MARCHF1: variants seen among roughly 807,000 people sequenced by gnomAD.
MARCHF1 encodes the protein E3 ubiquitin-protein ligase MARCHF1.
MARCHF1 carries 40 observed loss-of-function variants against 54.2 expected under a neutral mutation model. The observed-to-expected ratio is 0.74, with a 90% confidence interval of 0.57 to 0.96. MARCHF1 has a LOEUF of 0.96. Ranked by LOEUF, MARCHF1 falls within the 40% of genes least tolerant of loss-of-function variation. The pLI, the probability that MARCHF1 is intolerant of heterozygous loss-of-function variation, is 0.00. For synonymous variants in MARCHF1, 236 were observed against 236.3 expected, an observed-to-expected ratio of 1.00 and a Z score of 0.01; for missense variants, 586 against 656.5, an observed-to-expected ratio of 0.89 and a Z score of 1.17.
At chr4:164,214,953 C>G (rs987828383) in intron 1 of MARCHF1, among the ~76,000 whole-genome samples, 2 of 152,158 alleles carry the variant, frequency 1.3e-5, no homozygotes, top group African/African-American at 4.8e-5. Flanking sequence ...CTCAGATGGG[C>G]AGGCTGTGGG....
At chr4:164,227,392 G>A (rs1314073369) in intron 1 of MARCHF1, among the ~76,000 whole-genome samples, 2 of 152,038 alleles carry the variant, frequency 1.3e-5, no homozygotes, top group African/African-American at 4.8e-5. Context: ...GGGATCATAG[G>A]GATCACAAAT....
chr4:164,277,258 AG>A (rs1161339885), intron 1 of MARCHF1, among the ~76,000 whole-genome samples: 4 of 152,178 alleles, frequency 2.6e-5, no homozygotes, highest in Non-Finnish European at 5.9e-5. Context: ...CTGTATCACC[AG>A]GGGCTACAGC....
intron 1 of MARCHF1, among the ~76,000 whole-genome samples, chr4:164,113,029 T>C (rs957659994): frequency 6.6e-6 from 1 of 151,842 alleles, no homozygotes; most frequent in African/African-American, 2.4e-5. Flanking sequence ...ATGATATCTT[T>C]CCTTGGCTCA....
chr4:163,711,918 T>C (rs1745118865), intron 4 of MARCHF1, among the ~76,000 whole-genome samples: 1 of 152,224 alleles, frequency 6.6e-6, no homozygotes. Flanking sequence ...TGTGTAGTCT[T>C]ATCATTATTA....
At chr4:164,189,614 TG>T (rs1731069761) in intron 1 of MARCHF1, 1 of 913,856 alleles carries the variant, frequency 1.1e-6, no homozygotes, top group East Asian at 2.4e-5. Flanking sequence ...ACAGGTGACC[TG>T]GTAGTGCTTG....
intron 4 of MARCHF1, among the ~76,000 whole-genome samples, chr4:163,770,253 A>G (rs201444795): frequency 6.6e-6 from 1 of 152,136 alleles, no homozygotes; most frequent in East Asian, 1.9e-4. Flanking sequence ...CTGTGCCCCA[A>G]CTTCCACATT....
intron 5 of MARCHF1, among the ~76,000 whole-genome samples, chr4:163,665,658 C>A (rs1469231820): frequency 6.6e-6 from 1 of 152,046 alleles, no homozygotes; most frequent in Non-Finnish European, 1.5e-5. Context: ...ATCGTCTTCC[C>A]TTTTGTTGTG....
intron 3 of MARCHF1, among the ~76,000 whole-genome samples, chr4:163,862,856 A>G (rs539611658): frequency 1.3e-5 from 2 of 152,198 alleles, no homozygotes; most frequent in Non-Finnish European, 2.9e-5. Flanking sequence ...ATTGTGGTAC[A>G]TTCATACATC....
At chr4:164,322,279 A>C (rs1230547419) in intron 1 of MARCHF1, among the ~76,000 whole-genome samples, 1 of 152,050 alleles carries the variant, frequency 6.6e-6, no homozygotes, top group Non-Finnish European at 1.5e-5. Context: ...ACAAGCAAAA[A>C]ACTCAGCTAC....
chr4:163,697,853 C>T (rs1167420134), intron 5 of MARCHF1, among the ~76,000 whole-genome samples: 1 of 152,144 alleles, frequency 6.6e-6, no homozygotes, highest in Admixed American at 6.5e-5. Context: ...CTAACATTTT[C>T]CTTAATCCTG....
At chr4:163,899,458 C>G (rs1191888911) in intron 3 of MARCHF1, among the ~76,000 whole-genome samples, 1 of 152,116 alleles carries the variant, frequency 6.6e-6, no homozygotes, top group East Asian at 1.9e-4. Context: ...CCTCCTACTT[C>G]TTTGTGTCCT....
chr4:164,138,191 AT>A (rs913557866), intron 1 of MARCHF1, among the ~76,000 whole-genome samples: 2 of 147,364 alleles, frequency 1.4e-5, no homozygotes, highest in Non-Finnish European at 1.5e-5. Flanking sequence ...CATCTGGTTT[AT>A]TTTTTACTGA....
intron 1 of MARCHF1, among the ~76,000 whole-genome samples, chr4:164,338,959 C>T (rs2110834807): frequency 6.6e-6 from 1 of 151,642 alleles, no homozygotes; most frequent in South Asian, 2.1e-4. Flanking sequence ...GCAACAAGAG[C>T]AAAACTCCAT....
chr4:163,773,207 G>C (rs1398557713), intron 4 of MARCHF1, among the ~76,000 whole-genome samples: 1 of 152,124 alleles, frequency 6.6e-6, no homozygotes, highest in Non-Finnish European at 1.5e-5. Flanking sequence ...TCACTGACTA[G>C]AAGTTACCTG....
At chr4:163,948,803 T>C (rs1303276380) in intron 3 of MARCHF1, among the ~76,000 whole-genome samples, 1 of 152,220 alleles carries the variant, frequency 6.6e-6, no homozygotes, top group Non-Finnish European at 1.5e-5. Flanking sequence ...GCAACAACTT[T>C]GAAATATCAT....
At position 163,626,423 on chromosome 4, in the gene MARCHF1, T is replaced by C. The variant is rs1223964453; in HGVS notation, c.163-13030A>G. On this transcript the variant is annotated intron_variant, in intron 5 of 9. Coordinates refer to ENST00000514618, the MANE Select transcript of MARCHF1 (RefSeq NM_001394959.1). ...TCCACTAGGAGAACCCAATATATAA[T>C]TTATGAGTGTGAAAAAGAATAATCG... Among the ~76,000 whole-genome samples the C allele has an allele frequency of 2.6e-5, 4 of 152,198 alleles. No individual in the cohort carries two copies. In the East Asian group the frequency reaches 7.7e-4, roughly 29 times the overall value.
chr4:164,363,821 C>T (rs1341542601), intron 1 of MARCHF1, among the ~76,000 whole-genome samples: 2 of 150,686 alleles, frequency 1.3e-5, no homozygotes, highest in African/African-American at 4.9e-5. Context: ...CATCACATGC[C>T]ACCTCATTAG....
intron 3 of MARCHF1, among the ~76,000 whole-genome samples, chr4:163,940,756 A>C (rs1269284127): frequency 6.6e-6 from 1 of 152,170 alleles, no homozygotes; most frequent in African/African-American, 2.4e-5. Context: ...ATTAAAAAGG[A>C]CACAGTATAT....
chr4:164,062,895 T>G (rs1200329782), intron 2 of MARCHF1, among the ~76,000 whole-genome samples: 1 of 152,228 alleles, frequency 6.6e-6, no homozygotes, highest in Non-Finnish European at 1.5e-5. Context: ...AGAATGGATG[T>G]TATGTTAGCA....
Sources: gnomAD v4.1 joint callset for allele counts (sites outside exome capture counted in the v4.1 genomes callset) on GRCh38, gnomAD v4.1.1 for gene constraint, MANE v1.5 for transcripts, NCBI Gene and HGNC (gene_info 2026-07-23, HGNC 2026-07-21) for gene names.